Variants in KAZN observed in about 807,000 individuals in gnomAD.
The protein encoded by KAZN is kazrin, periplakin interacting protein, also known as kazrin.
Under a neutral mutation model 87.4 loss-of-function variants are expected in KAZN, and 40 were observed. The observed-to-expected ratio is 0.46, with a 90% CI of 0.36 to 0.60. The LOEUF (loss-of-function observed/expected upper bound fraction) is 0.60, where lower values mean the gene tolerates loss of function less well. Ranked by LOEUF, KAZN falls within the 20% of genes least tolerant of loss-of-function variation. KAZN has a pLI of 0.00. For synonymous variants in KAZN, 466 were observed against 458.3 expected, an observed-to-expected ratio of 1.02 and a Z score of -0.22; for missense variants, 898 against 1,073.9, an observed-to-expected ratio of 0.84 and a Z score of 2.29.
At chr1:14,201,627 T>A (rs1450072594) in intron 2 of KAZN, among the ~76,000 whole-genome samples, 1 of 152,226 alleles carries the variant, frequency 6.6e-6, no homozygotes, top group Admixed American at 6.5e-5. Context: ...TCCAACTCAC[T>A]CAATCTAAGA....
intron 2 of KAZN, among the ~76,000 whole-genome samples, chr1:14,543,379 T>C (rs1462401609): frequency 1.3e-5 from 2 of 152,178 alleles, no homozygotes; most frequent in African/African-American, 4.8e-5. Flanking sequence ...CTAGCTCTGC[T>C]CTGGGAGATG....
intron 1 of KAZN, among the ~76,000 whole-genome samples, chr1:14,785,363 G>A (rs1328390549): frequency 6.6e-6 from 1 of 152,080 alleles, no homozygotes; most frequent in East Asian, 1.9e-4. Context: ...GGATGGTTTG[G>A]GTCAGATGTT....
intron 1 of KAZN, chr1:14,945,813 A>G: frequency 1.1e-6 from 1 of 950,724 alleles, no homozygotes; most frequent in Non-Finnish European, 1.3e-6. Context: ...AGAGCCTCCC[A>G]CCAAAGGGCA....
intron 1 of KAZN, among the ~76,000 whole-genome samples, chr1:14,786,081 A>T (rs1268057906): frequency 6.6e-6 from 1 of 152,230 alleles, no homozygotes; most frequent in Non-Finnish European, 1.5e-5. Context: ...CGTCTACAGT[A>T]GGTGCTCAGT....
intron 1 of KAZN, among the ~76,000 whole-genome samples, chr1:14,604,810 A>G (rs1677236412): frequency 6.6e-6 from 1 of 152,176 alleles, no homozygotes; most frequent in South Asian, 2.1e-4. Context: ...AGGAGCTCAG[A>G]TGGAGCTTGG....
At chr1:14,367,675 T>C (rs140205016) in intron 2 of KAZN, among the ~76,000 whole-genome samples, 7 of 152,190 alleles carry the variant, frequency 4.6e-5, no homozygotes, top group South Asian at 2.1e-4. Context: ...ACCCCTTCTC[T>C]TCTTGGCTGC....
chr1:14,376,476 C>A (rs1440072780), intron 2 of KAZN, among the ~76,000 whole-genome samples: 1 of 152,176 alleles, frequency 6.6e-6, no homozygotes, highest in Non-Finnish European at 1.5e-5. Flanking sequence ...TTCTCAATCT[C>A]ACTCTCTCTT....
intron 1 of KAZN, among the ~76,000 whole-genome samples, chr1:14,808,063 G>A (rs982684868): frequency 2.6e-5 from 4 of 152,248 alleles, no homozygotes; most frequent in African/African-American, 9.6e-5. Flanking sequence ...TCCCACCTGG[G>A]GTGGCAGTGA....
intron 2 of KAZN, among the ~76,000 whole-genome samples, chr1:14,197,823 A>G (rs1419716924): frequency 6.6e-6 from 1 of 152,220 alleles, no homozygotes; most frequent in African/African-American, 2.4e-5. Flanking sequence ...GAAAAAGCAT[A>G]CAGGAATAAA....
At chr1:14,866,843 G>A (rs12410935) in intron 1 of KAZN, among the ~76,000 whole-genome samples, 51,272 of 152,166 alleles carry the variant, frequency 0.34, 8,964 homozygotes, top group South Asian at 0.4. Flanking sequence ...ATGAGCATCC[G>A]GACACCTAAT....
At chr1:13,932,263 T>C (rs1287220800) in intron 1 of KAZN, among the ~76,000 whole-genome samples, 2 of 147,020 alleles carry the variant, frequency 1.4e-5, no homozygotes, top group African/African-American at 5.0e-5. Context: ...TAAACATTTT[T>C]TTTTTTTTTT....
chr1:14,217,565 T>G (rs1646985980), intron 2 of KAZN, among the ~76,000 whole-genome samples: 1 of 151,936 alleles, frequency 6.6e-6, no homozygotes. Context: ...TAGAAGGCAG[T>G]CAAAGGAGAT....
chr1:14,320,552 T>C (rs1055361380), intron 2 of KAZN, among the ~76,000 whole-genome samples: 1 of 152,100 alleles, frequency 6.6e-6, no homozygotes, highest in Admixed American at 6.6e-5. Context: ...ACCCTGTGAA[T>C]TCTGAGACCT....
At chr1:14,133,015 T>C (rs972599966) in intron 1 of KAZN, among the ~76,000 whole-genome samples, 1 of 152,148 alleles carries the variant, frequency 6.6e-6, no homozygotes, top group Non-Finnish European at 1.5e-5. Context: ...GGTTAAGAAA[T>C]TGGGGGCATC....
Position 14,334,408 on chromosome 1 carries a change from G to T in KAZN, c.249+153816G>T, listed in dbSNP as rs1276480190. 2.0e-5 allele frequency among the ~76,000 whole-genome samples: 3 copies of T among 148,674 alleles called. No homozygotes were observed. In the East Asian group the frequency reaches 6.1e-4, roughly 30 times the overall value. On this transcript the variant is annotated intron_variant, in intron 2 of 16. Coordinates refer to the KAZN transcript ENST00000636203. ...AAAAAAAAGGAAATGGGAAGGCAGT[G>T]GTGGTCAGGCCATAAAGGAGGCGTG...
chr1:14,199,986 G>A (rs779068163), intron 2 of KAZN, among the ~76,000 whole-genome samples: 23 of 151,858 alleles, frequency 1.5e-4, no homozygotes, highest in Non-Finnish European at 2.6e-4. Context: ...CAGCATTGAC[G>A]TTATCAAACG....
At chr1:13,893,606 C>G in exon 1 of KAZN, 3 of 1,535,456 alleles carry the variant, frequency 2.0e-6, no homozygotes, top group Non-Finnish European at 2.6e-6. Context: ...ATCCTTTGCT[C>G]TGACACTCCA....
Position 14,246,211 on chromosome 1 carries a change from A to T in KAZN, c.249+65619A>T, listed in dbSNP as rs1403849039. On this transcript the variant is annotated intron_variant, in intron 2 of 16. Transcript: ENST00000636203. ...GGATGGGAGGAGCATCAGGAAAAAT[A>T]GCTAATGCATGCCGGGCTTAATACC... Among the ~76,000 whole-genome samples the T allele has an allele frequency of 2.6e-5, 4 of 152,316 alleles. 1 individual carries two copies. The East Asian group carries it at 7.7e-4, about 29-fold the overall frequency.
At chr1:13,973,662 G>A (rs1254824884) in intron 1 of KAZN, among the ~76,000 whole-genome samples, 2 of 152,178 alleles carry the variant, frequency 1.3e-5, no homozygotes, top group African/African-American at 2.4e-5. Context: ...CCACACCTTC[G>A]TGCCTAATCC....
Sources: allele counts gnomAD v4.1 joint callset (sites outside exome capture counted in the v4.1 genomes callset), GRCh38; gene constraint gnomAD v4.1.1; transcripts MANE v1.5; gene names NCBI Gene and HGNC (gene_info 2026-07-23, HGNC 2026-07-21).